Variants in OCA2 observed in about 807,000 individuals in gnomAD.
OCA2 encodes the protein P protein.
OCA2 carries 77 observed loss-of-function variants against 100.2 expected under a neutral mutation model. The ratio of observed to expected loss-of-function variants is 0.77; its 90% CI spans 0.64 to 0.93. The LOEUF (loss-of-function observed/expected upper bound fraction) is 0.93. Ranked by LOEUF, OCA2 falls within the 40% of genes least tolerant of loss-of-function variation. OCA2 has a pLI of 0.00. For missense variants in OCA2, 1,062 were observed against 1,089.1 expected (o/e 0.98, Z 0.35); for synonymous variants, 432 against 439.2 (o/e 0.98, Z 0.21).
intron 2 of OCA2, among the ~76,000 whole-genome samples, chr15:28,042,113 C>A (rs1161312677): frequency 6.7e-6 from 1 of 150,104 alleles, no homozygotes; most frequent in African/African-American, 2.5e-5. Flanking sequence ...TTGTGTAGAT[C>A]AAATATTACA....
At chr15:27,854,292 C>A (rs760699450) in intron 21 of OCA2, among the ~76,000 whole-genome samples, 20 of 152,142 alleles carry the variant, frequency 1.3e-4, no homozygotes, top group Non-Finnish European at 2.8e-4. Flanking sequence ...TCCGCCCAGC[C>A]CCAGCGGAGT....
chr15:27,877,267 T>C (rs759541329), intron 19 of OCA2, among the ~76,000 whole-genome samples: 6 of 151,948 alleles, frequency 3.9e-5, no homozygotes, highest in African/African-American at 7.2e-5. Context: ...TCTTGGTGAA[T>C]TGACCGTGCA....
chr15:27,909,773 A>C (rs2038315999), intron 19 of OCA2, among the ~76,000 whole-genome samples: 1 of 152,226 alleles, frequency 6.6e-6, no homozygotes, highest in Non-Finnish European at 1.5e-5. Context: ...TAGAGATTTA[A>C]ATGTAAAATA....
chr15:27,941,586 C>T (rs990516943), intron 18 of OCA2, among the ~76,000 whole-genome samples: 2 of 152,080 alleles, frequency 1.3e-5, no homozygotes, highest in East Asian at 1.9e-4. Context: ...AAAAGGAGAC[C>T]GCAACCAACG....
chr15:27,745,896 T>C, the OCA2 span, among the ~76,000 whole-genome samples: 1 of 152,234 alleles, frequency 6.6e-6, no homozygotes, highest in Non-Finnish European at 1.5e-5. Flanking sequence ...AGAAAACCTT[T>C]GAATCCACCT....
intron 2 of OCA2, among the ~76,000 whole-genome samples, chr15:28,075,378 C>T (rs547743915): frequency 6.6e-6 from 1 of 152,178 alleles, no homozygotes; most frequent in African/African-American, 2.4e-5. Context: ...TAAGGTGCCT[C>T]TAAATACTTA....
chr15:28,027,783 C>A (rs930653147), intron 4 of OCA2, 88 bp downstream of exon 4: 14 of 1,362,852 alleles, frequency 1.0e-5, no homozygotes, highest in Non-Finnish European at 1.3e-5. Flanking sequence ...CTCTTCTTCA[C>A]GCTGCTGGTT....
chr15:27,726,835 C>A, the OCA2 span, among the ~76,000 whole-genome samples: 1 of 152,248 alleles, frequency 6.6e-6, no homozygotes, highest in Non-Finnish European at 1.5e-5. Flanking sequence ...AAGAAATGTT[C>A]TTCGTCTCTC....
At chr15:27,932,138 A>C (rs1310013344) in intron 18 of OCA2, among the ~76,000 whole-genome samples, 1 of 152,222 alleles carries the variant, frequency 6.6e-6, no homozygotes, top group Non-Finnish European at 1.5e-5. Flanking sequence ...AAAAAATAAC[A>C]ATATATGGGG....
At chr15:28,023,514 A>G (rs1355863395) in intron 5 of OCA2, among the ~76,000 whole-genome samples, 1 of 152,168 alleles carries the variant, frequency 6.6e-6, no homozygotes, top group East Asian at 1.9e-4. Context: ...AGCAACAGCC[A>G]CACATCTCAT....
At chr15:28,053,028 G>T (rs1053761951) in intron 2 of OCA2, among the ~76,000 whole-genome samples, 1 of 152,214 alleles carries the variant, frequency 6.6e-6, no homozygotes, top group Non-Finnish European at 1.5e-5. Flanking sequence ...TTCAAGGCAG[G>T]TTTGAATTTC....
At chr15:27,837,286 C>T (rs1454670382) in intron 23 of OCA2, among the ~76,000 whole-genome samples, 2 of 152,214 alleles carry the variant, frequency 1.3e-5, no homozygotes, top group Non-Finnish European at 1.5e-5. Context: ...TGTGGATTAG[C>T]GATGCCACTG....
At chr15:27,995,020 AG>A (rs1461866301) in intron 9 of OCA2, among the ~76,000 whole-genome samples, 1 of 152,176 alleles carries the variant, frequency 6.6e-6, no homozygotes, top group Non-Finnish European at 1.5e-5. Flanking sequence ...GAGACAAAGA[AG>A]GTCATTACCC....
chr15:27,732,581 G>C, the OCA2 span, among the ~76,000 whole-genome samples: 19 of 152,278 alleles, frequency 1.2e-4, no homozygotes, highest in South Asian at 3.7e-3. Flanking sequence ...GGTGGAGAGA[G>C]GGCATGTGTG....
At chr15:27,771,347 G>A (rs1398055510) in intron 23 of OCA2, among the ~76,000 whole-genome samples, 2 of 151,840 alleles carry the variant, frequency 1.3e-5, no homozygotes, top group Admixed American at 6.6e-5. Flanking sequence ...TAGAGAGGAC[G>A]GGCCCTGCCT....
At chr15:27,751,696 T>C (rs1030844661), downstream of OCA2, among the ~76,000 whole-genome samples, 4 of 152,134 alleles carry the variant, frequency 2.6e-5, no homozygotes, top group African/African-American at 9.7e-5. Context: ...GCTGCAGGTA[T>C]CCCAAGGGCA....
intron 23 of OCA2, among the ~76,000 whole-genome samples, chr15:27,773,471 A>C (rs1289421767): frequency 6.6e-6 from 1 of 152,250 alleles, no homozygotes; most frequent in Non-Finnish European, 1.5e-5. Flanking sequence ...TATTATTTAC[A>C]ATATATGTCA....
intron 23 of OCA2, among the ~76,000 whole-genome samples, chr15:27,836,348 G>C (rs367669249): frequency 1.9e-4 from 29 of 152,304 alleles, no homozygotes; most frequent in African/African-American, 7.0e-4. Context: ...GCTCTAACCA[G>C]ATGAGAGCTG....
chr15:27,929,872 G>T (rs542356481), intron 18 of OCA2, among the ~76,000 whole-genome samples: 1 of 151,128 alleles, frequency 6.6e-6, no homozygotes, highest in African/African-American at 2.4e-5. Context: ...ATTGACAAAT[G>T]ATTACATGAA....
Sources: gnomAD v4.1 joint callset for allele counts (sites outside exome capture counted in the v4.1 genomes callset) on GRCh38, gnomAD v4.1.1 for gene constraint, MANE v1.5 for transcripts, NCBI Gene and HGNC (gene_info 2026-07-23, HGNC 2026-07-21) for gene names.